ANKS1B: variants seen among roughly 807,000 people sequenced by gnomAD.
ANKS1B encodes the protein ankyrin repeat and sterile alpha motif domain-containing protein 1B.
ANKS1B carries 36 observed loss-of-function variants against 148.3 expected under a neutral mutation model. The observed-to-expected ratio is 0.24, with a 90% CI of 0.19 to 0.32. The LOEUF (loss-of-function observed/expected upper bound fraction) is 0.32, where lower values mean the gene tolerates loss of function less well. ANKS1B is among the 10% of genes least tolerant of loss of function. The pLI is 1.00. For synonymous variants in ANKS1B, 542 were observed against 560.8 expected (o/e 0.97, Z 0.47); for missense variants, 1,157 against 1,542.6 (o/e 0.75, Z 4.19).
chr12:98,987,400 A>G (rs1464637410), intron 17 of ANKS1B, among the ~76,000 whole-genome samples: 3 of 152,186 alleles, frequency 2.0e-5, no homozygotes, highest in Admixed American at 1.3e-4. Context: ...AACAGTTACA[A>G]TGGTATGTAC....
intron 14 of ANKS1B, among the ~76,000 whole-genome samples, chr12:99,242,432 T>A (rs1455337980): frequency 6.6e-6 from 1 of 152,148 alleles, no homozygotes; most frequent in Non-Finnish European, 1.5e-5. Flanking sequence ...TGCTCATGGA[T>A]AAGAAGAATC....
intron 9 of ANKS1B, among the ~76,000 whole-genome samples, chr12:99,531,415 T>A (rs558875798): frequency 6.6e-6 from 1 of 152,186 alleles, no homozygotes; most frequent in Non-Finnish European, 1.5e-5. Flanking sequence ...AGTACACCTT[T>A]GTGTACCTAT....
At chr12:99,299,354 C>A (rs765905232) in intron 12 of ANKS1B, among the ~76,000 whole-genome samples, 7 of 152,140 alleles carry the variant, frequency 4.6e-5, no homozygotes, top group Non-Finnish European at 7.3e-5. Flanking sequence ...GCCACTGCAC[C>A]CAGCCTTGTA....
At chr12:99,105,716 C>T (rs2059034370) in intron 15 of ANKS1B, among the ~76,000 whole-genome samples, 1 of 146,178 alleles carries the variant, frequency 6.8e-6, no homozygotes, top group South Asian at 2.2e-4. Flanking sequence ...TTGCAGTGAG[C>T]CGAGATCATG....
chr12:99,490,363 C>T (rs1433335936), intron 10 of ANKS1B, among the ~76,000 whole-genome samples: 1 of 152,206 alleles, frequency 6.6e-6, no homozygotes, highest in African/African-American at 2.4e-5. Context: ...TTCCCCTATT[C>T]TGTTTTAGTT....
chr12:99,455,151 C>T (rs1176455153), intron 10 of ANKS1B, among the ~76,000 whole-genome samples: 1 of 152,052 alleles, frequency 6.6e-6, no homozygotes, highest in Non-Finnish European at 1.5e-5. Flanking sequence ...TATTCATCTT[C>T]TATATCTTTC....
chr12:98,928,235 C>A (rs754885407), intron 17 of ANKS1B, among the ~76,000 whole-genome samples: 1 of 150,406 alleles, frequency 6.6e-6, no homozygotes, highest in African/African-American at 2.4e-5. Context: ...GAAACCAACT[C>A]AAGAAAAATT....
intron 25 of ANKS1B, among the ~76,000 whole-genome samples, chr12:98,770,267 G>T (rs577913259): frequency 6.6e-6 from 1 of 152,286 alleles, no homozygotes; most frequent in African/African-American, 2.4e-5. Flanking sequence ...AGCTGATTTG[G>T]GATGTGAACT....
At chr12:98,980,735 A>G (rs1234840081) in intron 17 of ANKS1B, among the ~76,000 whole-genome samples, 1 of 152,174 alleles carries the variant, frequency 6.6e-6, no homozygotes, top group Non-Finnish European at 1.5e-5. Flanking sequence ...AAAAATCCAG[A>G]TCTAAAGTCC....
intron 17 of ANKS1B, among the ~76,000 whole-genome samples, chr12:99,017,031 G>A (rs2099943001): frequency 6.6e-6 from 1 of 152,124 alleles, no homozygotes; most frequent in African/African-American, 2.4e-5. Flanking sequence ...ATCTAAATAT[G>A]CTTTGGACAT....
intron 17 of ANKS1B, among the ~76,000 whole-genome samples, chr12:98,903,373 C>A (rs949115668): frequency 6.6e-6 from 1 of 152,050 alleles, no homozygotes; most frequent in African/African-American, 2.4e-5. Flanking sequence ...GCAGAAGATT[C>A]CATCATGCAG....
intron 1 of ANKS1B, among the ~76,000 whole-genome samples, chr12:99,892,089 C>T (rs1300585152): frequency 3.3e-5 from 5 of 152,028 alleles, no homozygotes; most frequent in Admixed American, 1.3e-4. Context: ...CTGCAACCTC[C>T]GCCTCCCAGG....
chr12:99,803,856 T>C (rs886574897), intron 4 of ANKS1B, among the ~76,000 whole-genome samples: 2 of 152,186 alleles, frequency 1.3e-5, no homozygotes, highest in African/African-American at 2.4e-5. Context: ...AAAATCCATA[T>C]TTTCCTCACC....
intron 9 of ANKS1B, among the ~76,000 whole-genome samples, chr12:99,617,156 G>A (rs1260261588): frequency 1.3e-5 from 2 of 152,144 alleles, no homozygotes; most frequent in Non-Finnish European, 1.5e-5. Flanking sequence ...ATATGGGTGA[G>A]GATGTGGAGA....
intron 22 of ANKS1B, among the ~76,000 whole-genome samples, chr12:98,791,131 G>C (rs11109608): frequency 2.6e-5 from 4 of 151,996 alleles, no homozygotes; most frequent in African/African-American, 9.7e-5. Context: ...CAGATCACAA[G>C]GTCAGGAGTT....
chr12:99,035,673 C>T (rs1400035550), intron 17 of ANKS1B, among the ~76,000 whole-genome samples: 1 of 151,872 alleles, frequency 6.6e-6, no homozygotes, highest in Non-Finnish European at 1.5e-5. Context: ...TCTTCTTGGC[C>T]CCAACAAAGG....
chr12:99,445,308 T>C (rs908705622), intron 10 of ANKS1B, among the ~76,000 whole-genome samples: 3 of 152,076 alleles, frequency 2.0e-5, no homozygotes, highest in African/African-American at 4.8e-5. Context: ...TATTATGTTA[T>C]GTTCTAAAGA....
chr12:99,245,268 T>C (rs929472706), intron 13 of ANKS1B, among the ~76,000 whole-genome samples: 1 of 152,200 alleles, frequency 6.6e-6, no homozygotes, highest in Non-Finnish European at 1.5e-5. Context: ...TAAATGTTAA[T>C]TAATCCTGCC....
At chr12:99,516,445 T>C (rs1415023440) in intron 9 of ANKS1B, among the ~76,000 whole-genome samples, 1 of 152,102 alleles carries the variant, frequency 6.6e-6, no homozygotes, top group African/African-American at 2.4e-5. Context: ...TGCCGGGACA[T>C]AGATGAAGCT....
Sources: gnomAD v4.1 joint callset for allele counts (sites outside exome capture counted in the v4.1 genomes callset) on GRCh38, gnomAD v4.1.1 for gene constraint, MANE v1.5 for transcripts, NCBI Gene and HGNC (gene_info 2026-07-23, HGNC 2026-07-21) for gene names.